The following HERC3 variants were observed in gnomAD, a reference collection of about 807,000 sequenced individuals.
HERC3 encodes probable E3 ubiquitin-protein ligase HERC3.
In HERC3, 58 loss-of-function variants were observed where a neutral mutation model predicts 129.9. The observed-to-expected ratio is 0.45, with a 90% CI of 0.36 to 0.56. The LOEUF (loss-of-function observed/expected upper bound fraction) is 0.56. Among genes scored for constraint, HERC3 ranks in the 20% least tolerant of loss-of-function variants. The probability of loss-of-function intolerance (pLI) is 0.00; values close to 1 mark genes in which losing one functional copy is unlikely to be tolerated. For missense variants in HERC3, 835 were observed against 1,244.2 expected (o/e 0.67, Z 4.95); for synonymous variants, 430 against 451.0 (o/e 0.95, Z 0.59).
chr4:88,665,089 C>G (rs2149293530), intron 12 of HERC3, among the ~76,000 whole-genome samples: 1 of 152,292 alleles, frequency 6.6e-6, no homozygotes, highest in South Asian at 2.1e-4. Flanking sequence ...ACCCCTACCC[C>G]TCGAGCCCTG....
intron 23 of HERC3, among the ~76,000 whole-genome samples, chr4:88,699,314 C>A (rs111423469): frequency 3.1e-5 from 1 of 31,896 alleles, no homozygotes; most frequent in Admixed American, 2.9e-4. Context: ...GCCCCACCCT[C>A]TTCCTCCCCA....
At chr4:88,569,386 C>G in the HERC3 span, among the ~76,000 whole-genome samples, 2 of 152,198 alleles carry the variant, frequency 1.3e-5, no homozygotes, top group Admixed American at 6.5e-5. Flanking sequence ...TTTCCTACCC[C>G]CTTAAGTGCC....
chr4:88,661,478 G>GA (rs993608276), intron 10 of HERC3, among the ~76,000 whole-genome samples: 9 of 151,972 alleles, frequency 5.9e-5, no homozygotes, highest in Admixed American at 1.3e-4. Flanking sequence ...GTACAAAGGA[G>GA]AAAAAAAATC....
chr4:88,662,576 ATT>A (rs771341095), intron 11 of HERC3, 21 bp downstream of exon 11: 1 of 1,570,688 alleles, frequency 6.4e-7, no homozygotes, highest in Admixed American at 1.9e-5. Flanking sequence ...GCTTGTCTTC[ATT>A]TTTTTTTCCA....
intron 2 of HERC3, among the ~76,000 whole-genome samples, chr4:88,605,512 A>G (rs1342937167): frequency 6.6e-6 from 1 of 152,266 alleles, no homozygotes; most frequent in African/African-American, 2.4e-5. Context: ...TGTACTCAGT[A>G]TCCTTTAGCA....
At chr4:88,661,580 A>G (rs1360656992) in intron 10 of HERC3, among the ~76,000 whole-genome samples, 2 of 152,230 alleles carry the variant, frequency 1.3e-5, no homozygotes, top group Non-Finnish European at 2.9e-5. Flanking sequence ...ACCTTTCCTT[A>G]GTTCTCGATC....
In HERC3 at chr4:88,636,081, C is replaced by T. The variant is rs185752369; in HGVS notation, c.227-13759C>T. On this transcript the variant is annotated intron_variant, in intron 3 of 25. Transcript: ENST00000402738. Reference sequence around the variant, plus strand: ...AAAGACTAATGACATTATGAAGAAACGGCATCAATTACCATGCAAAATAAC... The same window carrying T: ...AAAGACTAATGACATTATGAAGAAATGGCATCAATTACCATGCAAAATAAC... 1.8e-3 allele frequency among the ~76,000 whole-genome samples: 279 copies of T among 152,268 alleles called. 1 individual carries two copies. Among genetic ancestry groups the T allele is most frequent in the South Asian group, 0.012 (59 of 4,824 alleles).
intron 25 of HERC3, among the ~76,000 whole-genome samples, chr4:88,705,601 G>A (rs1350460018): frequency 2.0e-5 from 3 of 152,272 alleles, no homozygotes; most frequent in East Asian, 3.9e-4. Context: ...TTTGAGAAGG[G>A]TAATAATACC....
the HERC3 span, among the ~76,000 whole-genome samples, chr4:88,572,463 C>G: frequency 6.6e-6 from 1 of 151,820 alleles, no homozygotes; most frequent in Admixed American, 6.6e-5. Context: ...TGTATATGGC[C>G]TTAGGCCATC....
chr4:88,599,477 C>CT (rs1177764370), intron 2 of HERC3, among the ~76,000 whole-genome samples: 9 of 151,926 alleles, frequency 5.9e-5, no homozygotes, highest in Admixed American at 5.2e-4. Context: ...TTTTTATTAT[C>CT]TTTTTTCATA....
rs770550393 is a variant in HERC3, at chr4:88,706,909, T to C, written c.3102T>C (p.Ser1034=). 1.4e-5 allele frequency: 23 copies of C among 1,614,066 alleles called. No homozygotes were observed. Among genetic ancestry groups the C allele is most frequent in the Non-Finnish European group, 1.8e-5 (21 of 1,180,034 alleles). ...LPKYSSKEIL[S]ARLTQALDNY... Reference sequence around the variant, plus strand: ...AGTACAGCAGCAAAGAGATTCTGAGTGCCCGGCTGACCCAGGCCCTTGACA... The same window carrying C: ...AGTACAGCAGCAAAGAGATTCTGAGCGCCCGGCTGACCCAGGCCCTTGACA... Residue 1034 remains serine, a synonymous_variant, in exon 26 of 26, where the codon AGT becomes AGC. Transcript: ENST00000402738.
At chr4:88,615,854 A>G (rs1724846082) in intron 3 of HERC3, among the ~76,000 whole-genome samples, 1 of 152,190 alleles carries the variant, frequency 6.6e-6, no homozygotes, top group South Asian at 2.1e-4. Flanking sequence ...TGCCAAAGCA[A>G]GTACTAGCTA....
At chr4:88,706,058 C>T (rs1424463166) in intron 25 of HERC3, among the ~76,000 whole-genome samples, 1 of 152,206 alleles carries the variant, frequency 6.6e-6, no homozygotes, top group Non-Finnish European at 1.5e-5. Flanking sequence ...ATGGCACTTT[C>T]TGTTCATTAG....
At chr4:88,671,481 A>G (rs1731606671) in intron 16 of HERC3, among the ~76,000 whole-genome samples, 1 of 152,168 alleles carries the variant, frequency 6.6e-6, no homozygotes, top group Non-Finnish European at 1.5e-5. Context: ...AAATGCATAC[A>G]ATGTTTTATT....
At chr4:88,661,354 G>C (rs374648546) in intron 10 of HERC3, among the ~76,000 whole-genome samples, 1 of 152,088 alleles carries the variant, frequency 6.6e-6, no homozygotes, top group South Asian at 2.1e-4. Context: ...ACTTTGTCAG[G>C]CATCTCTGTT....
chr4:88,568,202 T>C, the HERC3 span, among the ~76,000 whole-genome samples: 23 of 152,206 alleles, frequency 1.5e-4, no homozygotes, highest in African/African-American at 5.3e-4. Flanking sequence ...GTGTGGACGG[T>C]GGCCATGACC....
intron 2 of HERC3, among the ~76,000 whole-genome samples, chr4:88,602,130 G>A (rs72882922): frequency 0.04 from 5,983 of 151,166 alleles, 392 homozygotes; most frequent in African/African-American, 0.14. Context: ...GCTGGGCTCC[G>A]TGGCTCACAC....
At chr4:88,654,169 GA>G in intron 7 of HERC3, 36 bp downstream of exon 7, 1 of 1,395,532 alleles carries the variant, frequency 7.2e-7, no homozygotes. Flanking sequence ...TGGTGCTGGG[GA>G]TATGATGGGT....
At chr4:88,637,245 G>A (rs573012572) in intron 3 of HERC3, among the ~76,000 whole-genome samples, 17 of 151,916 alleles carry the variant, frequency 1.1e-4, no homozygotes, top group Middle Eastern at 3.4e-3. Flanking sequence ...CTAACATGAC[G>A]AAACCCCGTC....
Sources: allele counts gnomAD v4.1 joint callset (sites outside exome capture counted in the v4.1 genomes callset), GRCh38; gene constraint gnomAD v4.1.1; transcripts MANE v1.5; gene names NCBI Gene and HGNC (gene_info 2026-07-23, HGNC 2026-07-21).